MAP3K5: variants seen among roughly 807,000 people sequenced by gnomAD.
MAP3K5 encodes the protein ASK-1.
A neutral mutation model predicts 158.7 loss-of-function variants in MAP3K5; 56 were observed. The ratio of observed to expected loss-of-function variants is 0.35; its 90% CI spans 0.28 to 0.44. The LOEUF is 0.44. Among genes scored for constraint, MAP3K5 ranks in the 20% least tolerant of loss-of-function variants. The probability of loss-of-function intolerance (pLI) is 1.00; values close to 1 mark genes in which losing one functional copy is unlikely to be tolerated. For synonymous variants in MAP3K5, 579 were observed against 601.7 expected, an observed-to-expected ratio of 0.96 and a Z score of 0.55; for missense variants, 1,294 against 1,674.8, an observed-to-expected ratio of 0.77 and a Z score of 3.97.
At chr6:136,585,083 C>T (rs1775059606) in intron 23 of MAP3K5, among the ~76,000 whole-genome samples, 1 of 151,376 alleles carries the variant, frequency 6.6e-6, no homozygotes, top group Non-Finnish European at 1.5e-5. Context: ...AATGCTCTTT[C>T]TCAAAATGAT....
At chr6:136,669,488 C>A in intron 7 of MAP3K5, 93 bp from the exon 8 acceptor site, 1 of 737,670 alleles carries the variant, frequency 1.4e-6, no homozygotes, top group South Asian at 1.6e-5. Context: ...AATGCCTGAG[C>A]AAGTAAAAAT....
At chr6:136,679,001 C>T (rs989374635) in intron 7 of MAP3K5, among the ~76,000 whole-genome samples, 1 of 151,964 alleles carries the variant, frequency 6.6e-6, no homozygotes, top group African/African-American at 2.4e-5. Context: ...GCTGCGATTA[C>T]AGGCATGAGC....
intron 1 of MAP3K5, among the ~76,000 whole-genome samples, chr6:136,739,915 T>C (rs1174457531): frequency 6.6e-6 from 1 of 152,202 alleles, no homozygotes; most frequent in Non-Finnish European, 1.5e-5. Context: ...CCATTAGCTG[T>C]CCCTTCCATG....
chr6:136,740,395 AT>A (rs1369754203), intron 1 of MAP3K5, among the ~76,000 whole-genome samples: 2 of 152,000 alleles, frequency 1.3e-5, no homozygotes, highest in African/African-American at 4.8e-5. Context: ...CTGTTTACTT[AT>A]GATTTCTTAC....
At position 136,755,116 on chromosome 6, in the gene MAP3K5, G is replaced by A. The variant is rs1180618747; in HGVS notation, c.449-34527C>T. Among the ~76,000 whole-genome samples the A allele has an allele frequency of 6.6e-5, 10 of 151,902 alleles. 1 individual carries two copies. Among genetic ancestry groups the A allele is most frequent in the Admixed American group, 5.9e-4 (9 of 15,256 alleles). ...ATGTTGATCTTTTTAAAAATGCTAA[G>A]CTGATAATGGCATTCTCTTACATGA... On this transcript the variant is annotated intron_variant, in intron 1 of 29. Coordinates refer to ENST00000359015, the MANE Select transcript of MAP3K5 (RefSeq NM_005923.4).
intron 1 of MAP3K5, among the ~76,000 whole-genome samples, chr6:136,753,414 C>A (rs550490712): frequency 1.3e-5 from 2 of 151,990 alleles, no homozygotes; most frequent in Middle Eastern, 6.8e-3. Flanking sequence ...AAGGATGGGG[C>A]ATGAATCTCT....
At chr6:136,701,190 C>A (rs907761866) in intron 3 of MAP3K5, among the ~76,000 whole-genome samples, 4 of 152,198 alleles carry the variant, frequency 2.6e-5, no homozygotes, top group African/African-American at 9.6e-5. Flanking sequence ...GGGTTATGCA[C>A]CCTCCTGAGT....
chr6:136,654,627 G>A (rs939887882), intron 10 of MAP3K5, among the ~76,000 whole-genome samples: 7 of 151,986 alleles, frequency 4.6e-5, no homozygotes, highest in African/African-American at 1.7e-4. Context: ...TGTATTTTTA[G>A]TAGAGACAGG....
At chr6:136,612,430 A>G (rs1776384937) in intron 17 of MAP3K5, among the ~76,000 whole-genome samples, 2 of 152,180 alleles carry the variant, frequency 1.3e-5, no homozygotes, top group African/African-American at 2.4e-5. Context: ...TACGATTTTC[A>G]TAACTTTCCA....
At chr6:136,636,640 A>C (rs1307416642) in intron 14 of MAP3K5, among the ~76,000 whole-genome samples, 2 of 152,146 alleles carry the variant, frequency 1.3e-5, no homozygotes, top group African/African-American at 4.8e-5. Flanking sequence ...AATGGACACA[A>C]ACTAAAAGTA....
At position 136,613,071 on chromosome 6, in the gene MAP3K5, T is replaced by A. The variant is rs749431722; in HGVS notation, c.2415+49A>T. ...AATATGACTTTTGCAAGTAAAATAA[T>A]AACCCAGCAAAGAAAGAACTCATGA... is the stretch of plus-strand genomic sequence containing the variant. On this transcript the variant is annotated intron_variant, in intron 17 of 29. Coordinates refer to ENST00000359015, the MANE Select transcript of MAP3K5 (RefSeq NM_005923.4). The surrounding 1 kb of genome is among the most constrained non-coding windows in gnomAD (Gnocchi z 4.0). 3 of 1,536,078 alleles carry A rather than the reference T, an allele frequency of 2.0e-6. No homozygotes were observed. The highest frequency in any genetic ancestry group is 2.0e-5 in the Admixed American group (1 of 49,180).
chr6:136,600,385 G>T (rs1775822348), intron 21 of MAP3K5, among the ~76,000 whole-genome samples: 1 of 151,530 alleles, frequency 6.6e-6, no homozygotes. Flanking sequence ...TAGAGATGGG[G>T]GTCTCACCAT....
chr6:136,599,175 G>GT (rs11374174), intron 21 of MAP3K5, among the ~76,000 whole-genome samples: 1 of 148,930 alleles, frequency 6.7e-6, no homozygotes, highest in East Asian at 2.1e-4. Flanking sequence ...AAAAGGGGGG[G>GT]GGGGCGTGGA....
intron 7 of MAP3K5, among the ~76,000 whole-genome samples, chr6:136,672,670 C>T (rs1184623646): frequency 6.6e-6 from 1 of 151,988 alleles, no homozygotes; most frequent in African/African-American, 2.4e-5. Flanking sequence ...AAGAAGTCTA[C>T]AACAACCATA....
chr6:136,567,707 T>C lies in MAP3K5; in HGVS notation c.3685A>G (p.Thr1229Ala), dbSNP rs981713268. 4.3e-6 allele frequency: 7 copies of C among 1,614,050 alleles called. No homozygotes were observed. In the Admixed American group the frequency reaches 5.0e-5, roughly 12 times the overall value. ...GCACTCTGGGAATCATGAGACACAG[T>C]AGAACTGAGCGTGCTCACGCCTGAG... is the stretch of plus-strand genomic sequence containing the variant. ...ATSGVSTLSS[T>A]VSHDSQSAHR... is the part of the protein sequence containing the mutation. Residue 1229 changes from threonine (T) to alanine (A), a missense_variant, in exon 26 of 30, where the codon ACT becomes GCT. Transcript: ENST00000359015.
chr6:136,638,568 T>A (rs931713361), intron 13 of MAP3K5, among the ~76,000 whole-genome samples: 13 of 152,206 alleles, frequency 8.5e-5, no homozygotes, highest in African/African-American at 3.1e-4. Flanking sequence ...ATTTTAGCTA[T>A]AATTATCATA....
chr6:136,733,859 G>A (rs1220290514), intron 1 of MAP3K5, among the ~76,000 whole-genome samples: 1 of 151,528 alleles, frequency 6.6e-6, no homozygotes, highest in East Asian at 1.9e-4. Flanking sequence ...ACATTCTTTG[G>A]GTTTAGATAA....
chr6:136,618,789 G>T (rs936639164), intron 15 of MAP3K5, among the ~76,000 whole-genome samples: 3 of 152,210 alleles, frequency 2.0e-5, no homozygotes, highest in Non-Finnish European at 2.9e-5. Flanking sequence ...CATGTCTCAT[G>T]AATTAACTAA....
At chr6:136,559,545 GT>G (rs1830412098) in intron 28 of MAP3K5, among the ~76,000 whole-genome samples, 1 of 152,158 alleles carries the variant, frequency 6.6e-6, no homozygotes, top group African/African-American at 2.4e-5. Flanking sequence ...ACATAGCTTT[GT>G]TTTTCCTCAA....
Sources: gnomAD v4.1 joint callset for allele counts (sites outside exome capture counted in the v4.1 genomes callset) on GRCh38, gnomAD v4.1.1 for gene constraint, Gnocchi (gnomAD v3.1) non-coding constraint, MANE v1.5 for transcripts, NCBI Gene and HGNC (gene_info 2026-07-23, HGNC 2026-07-21) for gene names.